TDP1: variants seen among roughly 807,000 people sequenced by gnomAD.
The protein encoded by TDP1 is tyrosyl-DNA phosphodiesterase 1.
TDP1 carries 64 observed loss-of-function variants against 81.5 expected under a neutral mutation model. The ratio of observed to expected loss-of-function variants is 0.79; its 90% confidence interval spans 0.64 to 0.97. TDP1 has a LOEUF of 0.97. TDP1 is among the 50% of genes least tolerant of loss of function. The pLI, the probability that TDP1 is intolerant of heterozygous loss-of-function variation, is 0.00. For missense variants in TDP1, 723 were observed against 743.8 expected, an observed-to-expected ratio of 0.97 and a Z score of 0.33; for synonymous variants, 256 against 264.3, an observed-to-expected ratio of 0.97 and a Z score of 0.30.
rs1391054046 is a variant in TDP1 at position 89,969,981 on chromosome 14, A to C, written c.660-1194A>C. On this transcript the variant is annotated intron_variant, in intron 5 of 16. Coordinates refer to ENST00000335725, the MANE Select transcript of TDP1 (RefSeq NM_018319.4). ...AAGCTCCGCCTCCCGGGTTCACGCC[A>C]TTCTCCTGCCTCAGCCTCCCAAGTA... Among the ~76,000 whole-genome samples, 20 of 140,112 alleles carry C rather than the reference A, an allele frequency of 1.4e-4. No homozygotes were observed. In the South Asian group the frequency reaches 4.3e-3, roughly 30 times the overall value. The allele number at this position is 140,112 out of a possible 152,430, so 91.9% of individuals were successfully genotyped here.
intron 15 of TDP1, among the ~76,000 whole-genome samples, chr14:90,019,971 G>A (rs1256394334): frequency 6.6e-6 from 1 of 152,134 alleles, no homozygotes; most frequent in African/African-American, 2.4e-5. Context: ...GGGCCAGTGG[G>A]GTGGCACAAA....
At chr14:90,020,642 T>C (rs1162602409) in intron 15 of TDP1, among the ~76,000 whole-genome samples, 3 of 83,504 alleles carry the variant, frequency 3.6e-5, no homozygotes, top group Admixed American at 1.2e-4. Context: ...CCGCCTTCCT[T>C]CCTCCCTCCC....
Position 90,043,348 on chromosome 14 carries a change from T to TATAA in TDP1, c.*205_*206insATAA. ...TAAAGTATTAGTTTCTTAATTCACT[T>TATAA]TTATATGTTTTGGAAAGAAAATTAG... On this transcript the variant is annotated 3_prime_UTR_variant, in exon 17 of 17. Coordinates refer to ENST00000335725, the MANE Select transcript of TDP1 (RefSeq NM_018319.4). 1 of 643,446 alleles carries TATAA rather than the reference T, an allele frequency of 1.6e-6. No homozygotes were observed. Among genetic ancestry groups the TATAA allele is most frequent in the African/African-American group, 1.8e-5 (1 of 54,778 alleles). 39.9% of individuals were successfully genotyped at this position (643,446 alleles called of 1,614,324 possible).
In TDP1 at chr14:89,966,132, G is replaced by A. The variant is rs1892919571; in HGVS notation, c.560-15G>A. On this transcript the variant is annotated splice_polypyrimidine_tract_variant and intron_variant, in intron 3 of 16. Transcript: ENST00000335725. ...TTTTGTGAGTGTGAATTTGATATAT[G>A]TTTTGTCTTCTCAGATATTTTATCT... 1.9e-6 allele frequency: 3 copies of A among 1,572,220 alleles called. No individual in the cohort carries two copies. The highest frequency in any genetic ancestry group is 2.6e-6 in the Non-Finnish European group (3 of 1,142,408).
rs1894250561 is a variant in TDP1 at position 89,975,874 on chromosome 14, G to T, written c.791+59G>T. 2.8e-6 allele frequency: 4 copies of T among 1,412,818 alleles called. No homozygotes were observed. The East Asian group carries it at 6.8e-5, about 24-fold the overall frequency. The allele number at this position is 1,412,818 out of a possible 1,614,324, so 87.5% of individuals were successfully genotyped here. A position where few individuals can be genotyped will look rare whatever the true frequency, so the allele number is the denominator to read the frequency against. On this transcript the variant is annotated intron_variant, in intron 7 of 16. Transcript: ENST00000335725. ...AAGCATTGTCATTTGTCCATTACAC[G>T]GTTATTCTTAGGAGAGACTGAGCAT... is the stretch of plus-strand genomic sequence containing the variant.
chr14:90,002,553 A>C (rs555489189), intron 14 of TDP1, among the ~76,000 whole-genome samples: 1 of 152,134 alleles, frequency 6.6e-6, no homozygotes, highest in African/African-American at 2.4e-5. Context: ...TGTGTAACAC[A>C]TCCATATAAA....
At chr14:90,007,110 C>A (rs935017373) in intron 14 of TDP1, among the ~76,000 whole-genome samples, 7 of 152,146 alleles carry the variant, frequency 4.6e-5, no homozygotes, top group Non-Finnish European at 1.0e-4. Context: ...TTACTCATTT[C>A]TTTGTTCTTT....
At chr14:89,995,074 A>G (rs1896549108) in intron 14 of TDP1, among the ~76,000 whole-genome samples, 1 of 152,250 alleles carries the variant, frequency 6.6e-6, no homozygotes, top group Non-Finnish European at 1.5e-5. Context: ...TAAGCAAATT[A>G]TAGTTATTTG....
At chr14:90,005,655 AACAG>A in intron 14 of TDP1, among the ~76,000 whole-genome samples, 1 of 152,246 alleles carries the variant, frequency 6.6e-6, no homozygotes, top group Admixed American at 6.5e-5. Context: ...ACCACAAGGT[AACAG>A]AGCTAGCCAA....
intron 14 of TDP1, chr14:90,019,032 C>T (rs567187987): frequency 5.6e-5 from 55 of 983,800 alleles, no homozygotes; most frequent in South Asian, 4.2e-4. Flanking sequence ...GGCTTTAGAA[C>T]GAAAAAAATA....
At chr14:90,007,883 C>T (rs1246534507) in intron 14 of TDP1, among the ~76,000 whole-genome samples, 1 of 152,182 alleles carries the variant, frequency 6.6e-6, no homozygotes, top group African/African-American at 2.4e-5. Context: ...AGGCGTGAAC[C>T]ACCATGCCTG....
At chr14:89,962,988 T>C in intron 2 of TDP1, 120 bp from the exon 3 acceptor site, 1 of 1,556,240 alleles carries the variant, frequency 6.4e-7, no homozygotes, top group Admixed American at 1.9e-5. Flanking sequence ...CAGCTGATGT[T>C]AGGTGGTTCA....
At chr14:89,981,918 C>G (rs1373079120) in intron 8 of TDP1, among the ~76,000 whole-genome samples, 1 of 152,082 alleles carries the variant, frequency 6.6e-6, no homozygotes, top group East Asian at 1.9e-4. Flanking sequence ...GCCTCAGCCT[C>G]CCAAAGTGCT....
intron 14 of TDP1, among the ~76,000 whole-genome samples, chr14:90,002,351 C>T (rs117791694): frequency 3.9e-5 from 6 of 152,250 alleles, no homozygotes; most frequent in South Asian, 2.1e-4. Context: ...TTTTGGAAAA[C>T]GCATTTATAC....
intron 8 of TDP1, among the ~76,000 whole-genome samples, chr14:89,983,612 C>A (rs949927575): frequency 6.6e-6 from 1 of 152,314 alleles, no homozygotes. Flanking sequence ...ATACTTTTGA[C>A]TGCTCCTGTA....
At chr14:90,038,025 T>C (rs1232593964) in intron 16 of TDP1, among the ~76,000 whole-genome samples, 1 of 152,210 alleles carries the variant, frequency 6.6e-6, no homozygotes, top group Non-Finnish European at 1.5e-5. Context: ...TTATGTACTT[T>C]TACCAAGAAT....
intron 14 of TDP1, among the ~76,000 whole-genome samples, chr14:90,017,248 G>T (rs973024883): frequency 6.6e-6 from 1 of 150,574 alleles, no homozygotes; most frequent in African/African-American, 2.4e-5. Context: ...CACCCTCCCT[G>T]CCTCCCAACC....
chr14:90,017,244 C>T (rs544890568), intron 14 of TDP1, among the ~76,000 whole-genome samples: 190 of 151,918 alleles, frequency 1.3e-3, no homozygotes, highest in Non-Finnish European at 1.4e-3. Flanking sequence ...CCCCCACCCT[C>T]CCTGCCTCCC....
intron 14 of TDP1, among the ~76,000 whole-genome samples, chr14:90,008,491 G>A (rs549044387): frequency 2.0e-5 from 3 of 152,236 alleles, no homozygotes; most frequent in African/African-American, 7.2e-5. Flanking sequence ...CTACCACCTA[G>A]TACCTGTTGA....
Sources: gnomAD v4.1 joint callset for allele counts (sites outside exome capture counted in the v4.1 genomes callset) on GRCh38, gnomAD v4.1.1 for gene constraint, MANE v1.5 for transcripts, NCBI Gene and HGNC (gene_info 2026-07-23, HGNC 2026-07-21) for gene names.